Variants in LSAMP observed in about 807,000 individuals in gnomAD.
LSAMP encodes the protein limbic system associated membrane protein, also known as limbic system-associated membrane protein.
Under a neutral mutation model 38.6 loss-of-function variants are expected in LSAMP, and 7 were observed. The ratio of observed to expected loss-of-function variants is 0.18; its 90% confidence interval spans 0.10 to 0.34. The LOEUF is 0.34. LSAMP is among the 10% of genes least tolerant of loss of function. The probability of loss-of-function intolerance (pLI) is 1.00; values close to 1 mark genes in which losing one functional copy is unlikely to be tolerated. For missense variants in LSAMP, 313 were observed against 420.0 expected, an observed-to-expected ratio of 0.75 and a Z score of 2.23; for synonymous variants, 154 against 166.8, an observed-to-expected ratio of 0.92 and a Z score of 0.59.
At chr3:115,950,159 C>T (rs1470912392) in intron 3 of LSAMP, among the ~76,000 whole-genome samples, 1 of 152,002 alleles carries the variant, frequency 6.6e-6, no homozygotes, top group Non-Finnish European at 1.5e-5. Context: ...AAGAAATCCC[C>T]CTGAGAACTG....
chr3:116,171,749 A>G (rs1382578391), intron 1 of LSAMP, among the ~76,000 whole-genome samples: 1 of 152,188 alleles, frequency 6.6e-6, no homozygotes, highest in Admixed American at 6.6e-5. Flanking sequence ...AAGTTTTGAC[A>G]AAAGGAAACT....
intron 2 of LSAMP, among the ~76,000 whole-genome samples, chr3:116,052,369 C>T (rs965777865): frequency 1.2e-4 from 18 of 152,074 alleles, no homozygotes; most frequent in Admixed American, 6.5e-4. Flanking sequence ...TCAGAAGAAA[C>T]GTTGTATGTG....
intron 2 of LSAMP, among the ~76,000 whole-genome samples, chr3:116,077,929 AT>A (rs1707782768): frequency 6.6e-6 from 1 of 152,206 alleles, no homozygotes; most frequent in African/African-American, 2.4e-5. Flanking sequence ...TCTAGGAAAT[AT>A]TTCACAGAAG....
At chr3:116,350,628 T>G (rs201592780) in intron 1 of LSAMP, among the ~76,000 whole-genome samples, 5 of 102,074 alleles carry the variant, frequency 4.9e-5, no homozygotes, top group East Asian at 2.5e-4. Flanking sequence ...AAGGAACCTT[T>G]TTTTTTTTTT....
chr3:115,815,321 A>G (rs997974601), intron 6 of LSAMP, among the ~76,000 whole-genome samples: 1 of 152,200 alleles, frequency 6.6e-6, no homozygotes, highest in Non-Finnish European at 1.5e-5. Flanking sequence ...TACTATCTGC[A>G]GTTTCAGGCA....
At chr3:116,347,307 T>C (rs762440583) in intron 1 of LSAMP, among the ~76,000 whole-genome samples, 1 of 152,174 alleles carries the variant, frequency 6.6e-6, no homozygotes, top group Non-Finnish European at 1.5e-5. Flanking sequence ...ACCCTTAACT[T>C]GAAGAAGTAT....
At chr3:116,007,990 A>T (rs900009249) in intron 3 of LSAMP, among the ~76,000 whole-genome samples, 1 of 152,246 alleles carries the variant, frequency 6.6e-6, no homozygotes, top group East Asian at 1.9e-4. Context: ...ATACTCTAAG[A>T]ACCAATGTTT....
chr3:115,897,120 C>A (rs1315400296), intron 3 of LSAMP, among the ~76,000 whole-genome samples: 1 of 152,092 alleles, frequency 6.6e-6, no homozygotes, highest in African/African-American at 2.4e-5. Context: ...ACCAGAGAAT[C>A]TCTGAACTGG....
At chr3:115,939,034 T>C (rs1272057763) in intron 3 of LSAMP, among the ~76,000 whole-genome samples, 1 of 152,170 alleles carries the variant, frequency 6.6e-6, no homozygotes, top group Non-Finnish European at 1.5e-5. Context: ...TTTTGAAACA[T>C]GTAGGAACAT....
At chr3:116,044,193 T>G (rs1195160304) in intron 2 of LSAMP, among the ~76,000 whole-genome samples, 1 of 152,238 alleles carries the variant, frequency 6.6e-6, no homozygotes, top group Non-Finnish European at 1.5e-5. Context: ...GAAAGGCTGC[T>G]TTGCTTTCTG....
At chr3:116,108,012 C>T (rs187082947) in intron 1 of LSAMP, among the ~76,000 whole-genome samples, 5 of 152,070 alleles carry the variant, frequency 3.3e-5, no homozygotes, top group African/African-American at 4.8e-5. Flanking sequence ...CTGTAGCAGG[C>T]GAGTGATAAC....
At chr3:115,982,428 G>T (rs1188413539) in intron 3 of LSAMP, among the ~76,000 whole-genome samples, 1 of 152,132 alleles carries the variant, frequency 6.6e-6, no homozygotes, top group African/African-American at 2.4e-5. Flanking sequence ...ATAAGATACA[G>T]ATTCTTTATT....
intron 1 of LSAMP, among the ~76,000 whole-genome samples, chr3:116,414,758 T>G (rs191796453): frequency 7.2e-5 from 11 of 152,290 alleles, no homozygotes; most frequent in Admixed American, 7.2e-4. Flanking sequence ...TGTGACTTTT[T>G]GCATCTGCAC....
intron 3 of LSAMP, among the ~76,000 whole-genome samples, chr3:115,962,339 C>T (rs145186686): frequency 7.9e-5 from 12 of 152,226 alleles, no homozygotes; most frequent in African/African-American, 2.9e-4. Context: ...TATGATAGTA[C>T]TTTATACAAA....
At chr3:116,178,387 C>T (rs544561373) in intron 1 of LSAMP, among the ~76,000 whole-genome samples, 2 of 152,204 alleles carry the variant, frequency 1.3e-5, no homozygotes, top group South Asian at 2.1e-4. Flanking sequence ...AGGCTGGTCT[C>T]GAACTCCTGA....
rs1219296323 is a variant in LSAMP at position 116,232,699 on chromosome 3, CTTT to C, written c.156-146146_156-146144del. Among the ~76,000 whole-genome samples, 46 of 99,474 alleles carry C rather than the reference CTTT, an allele frequency of 4.6e-4. No individual in the cohort carries two copies. In the East Asian group the frequency reaches 6.8e-3, roughly 15 times the overall value. 65.3% of individuals were successfully genotyped at this position (99,474 alleles called of 152,430 possible). A position where few individuals can be genotyped will look rare whatever the true frequency, so the allele number is the denominator to read the frequency against. On this transcript the variant is annotated intron_variant, in intron 1 of 6. Coordinates refer to ENST00000490035, the MANE Select transcript of LSAMP (RefSeq NM_002338.5). ...TTAATTTTCTTTTCTTTCTTTCTTT[CTTT>C]TTTTTTTTTTTTTTCCAGCAGGTAG...
At chr3:116,259,726 C>G (rs1399891561) in intron 1 of LSAMP, among the ~76,000 whole-genome samples, 1 of 151,976 alleles carries the variant, frequency 6.6e-6, no homozygotes, top group Non-Finnish European at 1.5e-5. Flanking sequence ...TGTTTATCTC[C>G]TATTGGTTGA....
At chr3:116,042,594 T>A (rs1941199698) in intron 2 of LSAMP, among the ~76,000 whole-genome samples, 1 of 152,102 alleles carries the variant, frequency 6.6e-6, no homozygotes, top group African/African-American at 2.4e-5. Flanking sequence ...CATGCCCGGT[T>A]AATTTTTTGT....
intron 3 of LSAMP, among the ~76,000 whole-genome samples, chr3:115,982,122 A>G (rs1939377392): frequency 6.6e-6 from 1 of 152,238 alleles, no homozygotes; most frequent in South Asian, 2.1e-4. Context: ...AATCATCACT[A>G]TCAATTCATT....
Sources: gnomAD v4.1 joint callset for allele counts (sites outside exome capture counted in the v4.1 genomes callset) on GRCh38, gnomAD v4.1.1 for gene constraint, MANE v1.5 for transcripts, NCBI Gene and HGNC (gene_info 2026-07-23, HGNC 2026-07-21) for gene names.